The following ATP13A2 variants were observed in gnomAD, a reference collection of about 807,000 sequenced individuals.
ATP13A2 encodes polyamine-transporting ATPase 13A2.
ATP13A2 carries 83 observed loss-of-function variants against 138.3 expected under a neutral mutation model. The ratio of observed to expected loss-of-function variants is 0.60; its 90% CI spans 0.50 to 0.72. ATP13A2 has a LOEUF of 0.72. Among genes scored for constraint, ATP13A2 ranks in the 30% least tolerant of loss-of-function variants. ATP13A2 has a pLI of 0.00. For synonymous variants in ATP13A2, 663 were observed against 699.0 expected (o/e 0.95, Z 0.81); for missense variants, 1,402 against 1,606.4 (o/e 0.87, Z 2.17).
rs1395203061 is a variant in ATP13A2, at chr1:16,993,621, C to A, written c.1749+8G>T. ...GAGGCAGGGGGCTGACCTGCTTGGC[C>A]TCCTCACCCAGCCAGTAGACTCCAC... On this transcript the variant is annotated splice_region_variant and intron_variant, in intron 16 of 28. Transcript: ENST00000326735. 1.3e-6 allele frequency: 2 copies of A among 1,573,042 alleles called. No individual in the cohort carries two copies. The highest frequency in any genetic ancestry group is 2.3e-5 in the East Asian group (1 of 43,160).
chr1:16,991,139 C>T (rs1246721908), intron 20 of ATP13A2, among the ~76,000 whole-genome samples: 7 of 151,660 alleles, frequency 4.6e-5, no homozygotes, highest in East Asian at 1.9e-4. Flanking sequence ...TTAGTAGAGA[C>T]GGGGTTTCAC....
Position 16,985,958 on chromosome 1 carries a change from G to T in ATP13A2, c.*263C>A. ...CCAGGTACAAGACAGGCACAGCAGA[G>T]CCAGGAAAATATCATGACTTTATTT... On this transcript the variant is annotated 3_prime_UTR_variant, in exon 29 of 29. Coordinates refer to ENST00000326735, the MANE Select transcript of ATP13A2 (RefSeq NM_022089.4). 6.9e-7 allele frequency: 1 copy of T among 1,440,104 alleles called. No homozygotes were observed. The highest frequency in any genetic ancestry group is 2.6e-5 in the East Asian group (1 of 39,204). The allele number at this position is 1,440,104 out of a possible 1,614,324, so 89.2% of individuals were successfully genotyped here. A position where few individuals can be genotyped will look rare whatever the true frequency, so the allele number is the denominator to read the frequency against.
chr1:17,011,770 C>A lies in ATP13A2; in HGVS notation c.-32G>T. 1 of 1,428,436 alleles carries A rather than the reference C, an allele frequency of 7.0e-7. No individual in the cohort carries two copies. 88.5% of individuals were successfully genotyped at this position (1,428,436 alleles called of 1,614,324 possible). ...TCCTCGCGCTCATCGCCGGCCCCGG[C>A]GCTGCGGCCCTCGGCCTGGGCCCCG... is the stretch of plus-strand genomic sequence containing the variant. On this transcript the variant is annotated 5_prime_UTR_variant, in exon 1 of 29. Coordinates refer to ENST00000326735, the MANE Select transcript of ATP13A2 (RefSeq NM_022089.4). The surrounding 1 kb of genome is among the most constrained non-coding windows in gnomAD (Gnocchi z 7.3).
intron 11 of ATP13A2, 91 bp from the exon 12 acceptor site, chr1:16,997,266 AAGTCTC>A: frequency 6.7e-7 from 1 of 1,498,872 alleles, no homozygotes; most frequent in Admixed American, 1.8e-5. Flanking sequence ...CACAAGCTCT[AAGTCTC>A]AGTTAACTCT....
rs371984879 is a variant in ATP13A2 at position 17,011,302 on chromosome 1, A to T, written c.10+427T>A. ...CCGACTCCCCCAACGCCATTCATTC[A>T]TTCATTCAGCCCAGAGGGGTTGCCC... On this transcript the variant is annotated intron_variant, in intron 1 of 28. Coordinates refer to ENST00000326735, the MANE Select transcript of ATP13A2 (RefSeq NM_022089.4). The surrounding 1 kb of genome is among the most constrained non-coding windows in gnomAD (Gnocchi z 7.3). 1.3e-5 allele frequency among the ~76,000 whole-genome samples: 2 copies of T among 152,156 alleles called. No individual in the cohort carries two copies. Among genetic ancestry groups the T allele is most frequent in the Admixed American group, 1.3e-4 (2 of 15,286 alleles).
intron 6 of ATP13A2, among the ~76,000 whole-genome samples, chr1:17,002,628 G>A (rs920919693): frequency 1.3e-5 from 2 of 152,240 alleles, no homozygotes; most frequent in African/African-American, 4.8e-5. Context: ...AGTGAAAAGA[G>A]TAGCTGTTAT....
Position 16,988,615 on chromosome 1 carries a change from TATTATTATTATTATC to T in ATP13A2, c.2610-156_2610-142del, listed in dbSNP as rs1320722626. 608 of 727,404 alleles carry T rather than the reference TATTATTATTATTATC, an allele frequency of 8.4e-4. 4 individuals are homozygous for T. The African/African-American group carries it at 9.8e-3, about 12-fold the overall frequency. 45.1% of individuals were successfully genotyped at this position (727,404 alleles called of 1,614,324 possible). A position where few individuals can be genotyped will look rare whatever the true frequency, so the allele number is the denominator to read the frequency against. ...GAGGCGCTCAGTGAATAGATGCAAT[TATTATTATTATTATC>T]ATTATTATTATTATTTTTTGAGACG... On this transcript the variant is annotated intron_variant, in intron 23 of 28. Transcript: ENST00000326735.
chr1:16,990,884 T>G (rs987393300), intron 20 of ATP13A2, among the ~76,000 whole-genome samples: 22 of 152,062 alleles, frequency 1.4e-4, no homozygotes, highest in African/African-American at 5.3e-4. Flanking sequence ...TGTGCACATA[T>G]GTGTGTGTGC....
chr1:16,989,847 G>C (rs2076862983), intron 22 of ATP13A2, 40 bp downstream of exon 22: 4 of 1,609,742 alleles, frequency 2.5e-6, no homozygotes, highest in Non-Finnish European at 3.4e-6. Flanking sequence ...GACAGAGCAG[G>C]GGAGGCGCAG....
At chr1:17,002,986 C>T (rs945086809) in intron 6 of ATP13A2, among the ~76,000 whole-genome samples, 3 of 152,140 alleles carry the variant, frequency 2.0e-5, no homozygotes, top group Non-Finnish European at 4.4e-5. Context: ...CCTGTGAGCC[C>T]GGAAAGCGTG....
chr1:16,992,693 G>T, intron 16 of ATP13A2, 112 bp from the exon 17 acceptor site: 2 of 1,151,872 alleles, frequency 1.7e-6, no homozygotes, highest in South Asian at 1.4e-5. Flanking sequence ...GGTTAAGAAT[G>T]TGGGCTTTGG....
chr1:16,992,105 A>T lies in ATP13A2; in HGVS notation c.2030T>A (p.Leu677Gln). The T allele has an allele frequency of 6.2e-7, 1 of 1,613,506 alleles. No homozygotes were observed. The highest frequency in any genetic ancestry group is 8.5e-7 in the Non-Finnish European group (1 of 1,179,734). ...GTAGCCAGCAGCTGTATAGCTCTGC[A>T]GCATCTGGGCGAAGTCGGTGGGCAC... ...ETVPTDFAQM[L>Q]QSYTAAGYRV... Residue 677 changes from leucine to glutamine, a missense_variant, in exon 19 of 29, where the codon CTG becomes CAG. Physicochemically the swap from Leu to Gln is moderately radical, Grantham distance 113 (BLOSUM62 -2). Transcript: ENST00000326735.
Position 17,004,925 on chromosome 1 carries a change from T to A in ATP13A2, c.347+89A>T, listed in dbSNP as rs567377038. Reference sequence around the variant, plus strand: ...CTCCCTAGGATGGGAGGCGCCAGAGTCAGCCTTTATGGGGGGGCCGAGGGT... The same window carrying A: ...CTCCCTAGGATGGGAGGCGCCAGAGACAGCCTTTATGGGGGGGCCGAGGGT... On this transcript the variant is annotated intron_variant, in intron 4 of 28. Transcript: ENST00000326735. This position sits in a 1 kb window ranked among gnomAD's most constrained non-coding sequence, Gnocchi z 4.1. 4 of 1,611,174 alleles carry A rather than the reference T, an allele frequency of 2.5e-6. No individual in the cohort carries two copies. In the East Asian group the frequency reaches 8.9e-5, roughly 36 times the overall value.
At position 16,986,001 on chromosome 1, in the gene ATP13A2, A is replaced by G. The variant is rs1484959409; in HGVS notation, c.*220T>C. 1 of 1,455,500 alleles carries G rather than the reference A, an allele frequency of 6.9e-7. No individual in the cohort carries two copies. Among genetic ancestry groups the G allele is most frequent in the Non-Finnish European group, 9.1e-7 (1 of 1,102,090 alleles). 90.2% of individuals were successfully genotyped at this position (1,455,500 alleles called of 1,614,324 possible). ...CTTTATTTGCTACACTGACAGCAGC[A>G]CTGAGGGGAGCTGGGGGCTGCCACC... On this transcript the variant is annotated 3_prime_UTR_variant, in exon 29 of 29. Transcript: ENST00000326735. This position sits in a 1 kb window ranked among gnomAD's most constrained non-coding sequence, Gnocchi z 6.9.
Position 16,997,237 on chromosome 1 carries a change from G to T in ATP13A2, c.1040-62C>A. On this transcript the variant is annotated intron_variant, in intron 11 of 28. Transcript: ENST00000326735. ...CCTCCCTCCCACCAGCAAACCAGGA[G>T]TTCTGTGTAGAATTGTCCCACAAGC... The T allele has an allele frequency of 1.9e-6, 3 of 1,600,202 alleles. No homozygotes were observed. The East Asian group carries it at 6.7e-5, about 36-fold the overall frequency.
intron 8 of ATP13A2, chr1:17,000,792 A>C: frequency 6.4e-5 from 29 of 454,010 alleles, no homozygotes; most frequent in East Asian, 8.3e-5. Flanking sequence ...AAATACAAAA[A>C]TTAGCCTGAT....
At chr1:17,010,153 C>G (rs1431524142) in intron 1 of ATP13A2, among the ~76,000 whole-genome samples, 1 of 149,270 alleles carries the variant, frequency 6.7e-6, no homozygotes, top group Non-Finnish European at 1.5e-5. Flanking sequence ...TCTCAGCTCA[C>G]TGCACCCTCC....
At position 16,997,036 on chromosome 1, in the gene ATP13A2, T is replaced by C; in HGVS notation, c.1179A>G (p.Ala393=). ...ARAYVGPHVL[A]VVTRTGFCTA... ...GGCTCATACCTGTGCGGGTCACCAC[T>C]GCCAGGACGTGCGGTCCCACATAGG... Residue 393 remains alanine, a synonymous_variant, in exon 12 of 29, where the codon GCA becomes GCG. Coordinates refer to ENST00000326735, the MANE Select transcript of ATP13A2 (RefSeq NM_022089.4). 2 of 1,612,536 alleles carry C rather than the reference T, an allele frequency of 1.2e-6. No homozygotes were observed. Among genetic ancestry groups the C allele is most frequent in the Non-Finnish European group, 8.5e-7 (1 of 1,179,966 alleles).
chr1:17,001,082 G>A (rs530428490), intron 8 of ATP13A2, among the ~76,000 whole-genome samples: 10 of 152,176 alleles, frequency 6.6e-5, no homozygotes, highest in Non-Finnish European at 1.5e-4. Context: ...TTCTACAGAT[G>A]AGGAAACCAA....
Sources: allele counts gnomAD v4.1 joint callset (sites outside exome capture counted in the v4.1 genomes callset), GRCh38; gene constraint gnomAD v4.1.1; non-coding constraint Gnocchi (gnomAD v3.1); transcripts MANE v1.5; gene names NCBI Gene and HGNC (gene_info 2026-07-23, HGNC 2026-07-21).